Variants in RER1 observed in about 807,000 individuals in gnomAD.
The protein encoded by RER1 is protein RER1.
In RER1, 6 loss-of-function variants were observed where a neutral mutation model predicts 28.3. The ratio of observed to expected loss-of-function variants is 0.21; its 90% CI spans 0.12 to 0.42. The LOEUF (loss-of-function observed/expected upper bound fraction) is 0.42, where lower values mean the gene tolerates loss of function less well. Ranked by LOEUF, RER1 falls within the 10% of genes least tolerant of loss-of-function variation. RER1 has a pLI of 1.00. For synonymous variants in RER1, 110 were observed against 95.9 expected (o/e 1.15, Z -0.86); for missense variants, 159 against 252.9 (o/e 0.63, Z 2.52).
chr1:2,394,557 A>G (rs1424486900), intron 1 of RER1: 2 of 152,218 alleles, frequency 1.3e-5, no homozygotes, highest in Admixed American at 1.3e-4. Context: ...TGTGAGCTTC[A>G]GTTTTCTTAT....
chr1:2,402,708 C>A (rs1557904851), intron 6 of RER1, among the ~76,000 whole-genome samples: 1 of 152,194 alleles, frequency 6.6e-6, no homozygotes, highest in African/African-American at 2.4e-5. Flanking sequence ...GGACTGTGCC[C>A]TTGACGGTGT....
chr1:2,393,832 C>A (rs116153956), intron 1 of RER1, among the ~76,000 whole-genome samples: 1 of 152,128 alleles, frequency 6.6e-6, no homozygotes, highest in Non-Finnish European at 1.5e-5. Flanking sequence ...GTTTGGTATA[C>A]GTGTTGTGTG....
chr1:2,399,525 G>A lies in RER1; in HGVS notation c.286+11G>A, dbSNP rs762259785. 1.4e-5 allele frequency: 21 copies of A among 1,553,974 alleles called. No individual in the cohort carries two copies. The highest frequency in any genetic ancestry group is 1.1e-4 in the African/African-American group (8 of 73,624). On this transcript the variant is annotated intron_variant, in intron 4 of 6. Coordinates refer to ENST00000605895, the MANE Select transcript of RER1 (RefSeq NM_007033.5). Reference sequence around the variant, plus strand: ...TAATGGAAGACTCAGGTAGGGTAGCGGCTGTGCACTGGGCTGTGTGGGCAG... The same window carrying A: ...TAATGGAAGACTCAGGTAGGGTAGCAGCTGTGCACTGGGCTGTGTGGGCAG...
At chr1:2,397,331 T>A in intron 3 of RER1, 111 bp downstream of exon 3, 1 of 733,358 alleles carries the variant, frequency 1.4e-6, no homozygotes, top group Non-Finnish European at 2.5e-6. Context: ...TCTCTAGTAA[T>A]CAATTTTCAG....
In RER1 at chr1:2,399,403, C is replaced by T. The variant is rs774583081; in HGVS notation, c.187-12C>T. On this transcript the variant is annotated splice_polypyrimidine_tract_variant and intron_variant, in intron 3 of 6. Coordinates refer to ENST00000605895, the MANE Select transcript of RER1 (RefSeq NM_007033.5). ...CAGAGTGCACCACTGACTCTCTTTCCTTCTCTTTCAGGGTTGGTACATTGT... is the reference window on the plus strand; with the variant it reads ...CAGAGTGCACCACTGACTCTCTTTCTTTCTCTTTCAGGGTTGGTACATTGT... 5.1e-6 allele frequency: 8 copies of T among 1,574,738 alleles called. No homozygotes were observed. In the African/African-American group the frequency reaches 8.1e-5, roughly 16 times the overall value.
chr1:2,400,806 G>A lies in RER1; in HGVS notation c.287-51G>A, dbSNP rs373549265. ...AGCCTTGAGGGGAAAAGGTAGAACTGTGATGGGAATGAAAAGAGGTGCCCT... is the reference window on the plus strand; with the variant it reads ...AGCCTTGAGGGGAAAAGGTAGAACTATGATGGGAATGAAAAGAGGTGCCCT... On this transcript the variant is annotated intron_variant, in intron 4 of 6. Coordinates refer to ENST00000605895, the MANE Select transcript of RER1 (RefSeq NM_007033.5). The A allele has an allele frequency of 2.0e-5, 28 of 1,430,776 alleles. No individual in the cohort carries two copies. In the Admixed American group the frequency reaches 2.2e-4, roughly 11 times the overall value. 88.6% of individuals were successfully genotyped at this position (1,430,776 alleles called of 1,614,324 possible).
Position 2,397,129 on chromosome 1 carries a change from G to T in RER1, c.95G>T (p.Trp32Leu), listed in dbSNP as rs1274018755. Residue 32 changes from tryptophan to leucine, a missense_variant, in exon 3 of 7, where the codon TGG becomes TTG. By Grantham distance (61) the Trp-to-Leu change is moderately conservative (BLOSUM62 -2). Transcript: ENST00000605895. Reference sequence around the variant, plus strand: ...TTGTCTTTCTAGATTTATCAGTCCTGGCTAGACAAGTCCACACCCTACACG... The same window carrying T: ...TTGTCTTTCTAGATTTATCAGTCCTTGCTAGACAAGTCCACACCCTACACG... ...FTRLGQIYQS[W>L]LDKSTPYTAV... is the part of the protein sequence containing the mutation. 1 of 1,611,958 alleles carries T rather than the reference G, an allele frequency of 6.2e-7. No homozygotes were observed. Among genetic ancestry groups the T allele is most frequent in the Non-Finnish European group, 8.5e-7 (1 of 1,178,186 alleles).
intron 6 of RER1, among the ~76,000 whole-genome samples, chr1:2,402,705 G>C (rs1642887644): frequency 1.3e-5 from 2 of 152,238 alleles, no homozygotes; most frequent in South Asian, 2.1e-4. Context: ...TGCGGACTGT[G>C]CCCTTGACGG....
At position 2,405,188 on chromosome 1, in the gene RER1, G is replaced by A. The variant is rs1642957748; in HGVS notation, c.*2064G>A. 5.5e-6 allele frequency: 1 copy of A among 180,864 alleles called. No individual in the cohort carries two copies. The allele number at this position is 180,864 out of a possible 1,614,324, so 11.2% of individuals were successfully genotyped here. ...GCTTCCGACGGAGGTGCTGGCCTTG[G>A]TTGGTTTCTCTCTGCCCCGTGTGGT... is the stretch of plus-strand genomic sequence containing the variant. On this transcript the variant is annotated 3_prime_UTR_variant, in exon 7 of 7. Transcript: ENST00000605895.
chr1:2,395,707 G>A (rs1033776019), intron 1 of RER1, 77 bp from the exon 2 acceptor site: 16 of 965,124 alleles, frequency 1.7e-5, no homozygotes, highest in African/African-American at 1.6e-4. Flanking sequence ...CTACTTGACA[G>A]TGTTGGTGAA....
At chr1:2,402,584 G>A (rs1195397483) in intron 6 of RER1, among the ~76,000 whole-genome samples, 1 of 152,222 alleles carries the variant, frequency 6.6e-6, no homozygotes, top group Non-Finnish European at 1.5e-5. Context: ...TGTGGAAGCC[G>A]GGTGGGAGAG....
chr1:2,399,562 C>G, intron 4 of RER1, 48 bp downstream of exon 4: 1 of 1,172,724 alleles, frequency 8.5e-7, no homozygotes, highest in Non-Finnish European at 1.3e-6. Flanking sequence ...TTGGGCCTTT[C>G]TTTTCTGATG....
Position 2,403,052 on chromosome 1 carries a change from G to A in RER1, c.519G>A (p.Arg173=). The A allele has an allele frequency of 6.2e-7, 1 of 1,613,912 alleles. No individual in the cohort carries two copies. The highest frequency in any genetic ancestry group is 8.5e-7 in the Non-Finnish European group (1 of 1,179,886). The part of the protein sequence containing the change: ...KRQIKHMIKY[R]YIPFTHGKRR... The stretch of plus-strand genomic sequence containing the variant: ...CTCCCCAGCACATGATTAAGTACCG[G>A]TACATCCCGTTCACACATGGGAAGA... The change falls in exon 7 of 7, where the codon CGG becomes CGA. Residue 173 remains arginine, a synonymous_variant. Coordinates refer to ENST00000605895, the MANE Select transcript of RER1 (RefSeq NM_007033.5).
In RER1 at chr1:2,402,266, A is replaced by G. The variant is rs372634170; in HGVS notation, c.425A>G (p.Asn142Ser). The stretch of plus-strand genomic sequence containing the variant: ...GTCTGTACTTTCTTCGACGCTTTCA[A>G]CGTCCCGGTGTTCTGGCCGATTCTG... ...AMVCTFFDAF[N>S]VPVFWPILVM... is the part of the protein sequence containing the mutation. The change falls in exon 6 of 7, where the codon AAC (asparagine) becomes AGC (serine). Residue 142 changes from asparagine (N) to serine (S), a missense_variant. Coordinates refer to ENST00000605895, the MANE Select transcript of RER1 (RefSeq NM_007033.5). 3 of 1,614,180 alleles carry G rather than the reference A, an allele frequency of 1.9e-6. No homozygotes were observed. The highest frequency in any genetic ancestry group is 1.7e-5 in the Admixed American group (1 of 60,028).
chr1:2,396,344 TC>T (rs757338640), intron 2 of RER1: 2 of 157,462 alleles, frequency 1.3e-5, no homozygotes, highest in African/African-American at 4.8e-5. Context: ...AACGCTGGAG[TC>T]CGAACCTCTG....
rs577180277 is a variant in RER1, at chr1:2,403,961, A to G, written c.*837A>G. ...TGATTCGAGAAAAGAAATACTCTCA[A>G]CGTTTTACCAAGTGATTTTACCTCC... On this transcript the variant is annotated 3_prime_UTR_variant, in exon 7 of 7. Transcript: ENST00000605895. The G allele has an allele frequency of 8.5e-5, 13 of 152,368 alleles. No individual in the cohort carries two copies. Among genetic ancestry groups the G allele is most frequent in the South Asian group, 4.1e-4 (2 of 4,832 alleles). 9.4% of individuals were successfully genotyped at this position (152,368 alleles called of 1,614,324 possible). A position where few individuals can be genotyped will look rare whatever the true frequency, so the allele number is the denominator to read the frequency against.
At chr1:2,394,078 G>C (rs1642732720) in intron 1 of RER1, 1 of 152,210 alleles carries the variant, frequency 6.6e-6, no homozygotes, top group Non-Finnish European at 1.5e-5. Context: ...GTGACGGGTG[G>C]CTTTCAGATG....
chr1:2,393,509 C>T (rs1006093675), intron 1 of RER1, among the ~76,000 whole-genome samples: 5 of 152,190 alleles, frequency 3.3e-5, no homozygotes, highest in African/African-American at 4.8e-5. Flanking sequence ...GGTGTGAGGG[C>T]TGGCCCTGAT....
chr1:2,399,556 G>T (rs369509382), intron 4 of RER1, 42 bp downstream of exon 4: 2 of 1,298,536 alleles, frequency 1.5e-6, no homozygotes, highest in East Asian at 2.3e-5. Flanking sequence ...GGCAGGTTGG[G>T]CCTTTCTTTT....
Sources: gnomAD v4.1 joint callset for allele counts (sites outside exome capture counted in the v4.1 genomes callset) on GRCh38, gnomAD v4.1.1 for gene constraint, MANE v1.5 for transcripts, NCBI Gene and HGNC (gene_info 2026-07-23, HGNC 2026-07-21) for gene names.